LAMA1: variants seen among roughly 807,000 people sequenced by gnomAD.
The protein encoded by LAMA1 is laminin subunit alpha-1.
A neutral mutation model predicts 348.7 loss-of-function variants in LAMA1; 219 were observed. The observed-to-expected ratio is 0.63, with a 90% confidence interval of 0.56 to 0.70. The LOEUF (loss-of-function observed/expected upper bound fraction) is 0.70. Ranked by LOEUF, LAMA1 falls within the 30% of genes least tolerant of loss-of-function variation. LAMA1 has a pLI of 0.00. For synonymous variants in LAMA1, 1,487 were observed against 1,491.0 expected (o/e 1.00, Z 0.06); for missense variants, 3,744 against 3,888.0 (o/e 0.96, Z 0.99).
chr18:6,988,035 G>T (rs908564114), intron 36 of LAMA1, among the ~76,000 whole-genome samples: 6 of 151,986 alleles, frequency 3.9e-5, no homozygotes, highest in Non-Finnish European at 7.4e-5. Flanking sequence ...AATCGCTTGA[G>T]CCTGGGAGGT....
rs1484259795 is a variant in LAMA1 at position 7,034,775 on chromosome 18, C to A, written c.1840-85G>T. On this transcript the variant is annotated intron_variant, in intron 13 of 62. Coordinates refer to ENST00000389658, the MANE Select transcript of LAMA1 (RefSeq NM_005559.4). ...TAAAATCAAATTTTGTATTCAGCAACGTGGTTTTTCATTCGTGCCTAGCTT... is the reference window on the plus strand; with the variant it reads ...TAAAATCAAATTTTGTATTCAGCAAAGTGGTTTTTCATTCGTGCCTAGCTT... 15 of 1,327,418 alleles carry A rather than the reference C, an allele frequency of 1.1e-5. No individual in the cohort carries two copies. In the Admixed American group the frequency reaches 1.3e-4, roughly 12 times the overall value. 82.2% of individuals were successfully genotyped at this position (1,327,418 alleles called of 1,614,324 possible). A position where few individuals can be genotyped will look rare whatever the true frequency, so the allele number is the denominator to read the frequency against.
rs538513114 is a variant in LAMA1, at chr18:7,041,534, C to CAA, written c.1261+609_1261+610dup. On this transcript the variant is annotated intron_variant, in intron 9 of 62. Transcript: ENST00000389658. ...AGTGGCTGAGAACTTGATGGGGTCA[C>CAA]AAGAGTCTTTGAACAGACGCAACCT... Among the ~76,000 whole-genome samples, 15 of 152,286 alleles carry CAA rather than the reference C, an allele frequency of 9.8e-5. No individual in the cohort carries two copies. In the South Asian group the frequency reaches 3.1e-3, roughly 32 times the overall value.
chr18:6,974,614 G>A (rs558795325), intron 46 of LAMA1, among the ~76,000 whole-genome samples: 7 of 151,846 alleles, frequency 4.6e-5, no homozygotes, highest in African/African-American at 1.4e-4. Context: ...CCACCACCAC[G>A]CCCAGCTAAT....
Position 6,986,223 on chromosome 18 carries a change from C to T in LAMA1, c.5293G>A (p.Glu1765Lys), listed in dbSNP as rs2057734699. The T allele has an allele frequency of 6.2e-7, 1 of 1,614,096 alleles. No individual in the cohort carries two copies. The highest frequency in any genetic ancestry group is 1.3e-5 in the African/African-American group (1 of 74,934). The change falls in exon 37 of 63, where the codon GAG (glutamate) becomes AAG (lysine). Residue 1765 changes from glutamate (E) to lysine (K), a missense_variant. Glu to Lys is a moderately conservative substitution (Grantham distance 56). Transcript: ENST00000389658. ...GCCTCAGCTTCCCTCACGAGCGCCT[C>T]AGCCGCCTTTAGTTCATTGTTGTGC... ...SKHNNELKAAEALVREAEAKM... is the reference protein window; with the variant it reads ...SKHNNELKAAKALVREAEAKM...
chr18:6,962,413 C>G (rs481724), intron 51 of LAMA1, among the ~76,000 whole-genome samples: 2 of 128,316 alleles, frequency 1.6e-5, no homozygotes, highest in Non-Finnish European at 3.1e-5. Flanking sequence ...TCCTGCCCCC[C>G]AAAACAAGAA....
chr18:6,947,379 G>A, intron 60 of LAMA1, 83 bp from the exon 61 acceptor site: 1 of 1,559,216 alleles, frequency 6.4e-7, no homozygotes, highest in African/African-American at 1.4e-5. Flanking sequence ...TAGGGGTTGG[G>A]GGACCTGGCT....
intron 42 of LAMA1, among the ~76,000 whole-genome samples, chr18:6,979,538 A>T (rs1473665904): frequency 6.6e-6 from 1 of 152,228 alleles, no homozygotes; most frequent in Non-Finnish European, 1.5e-5. Flanking sequence ...AAAAAACAAC[A>T]AAAGAACAAA....
At chr18:7,053,194 G>T (rs910254877) in intron 3 of LAMA1, among the ~76,000 whole-genome samples, 5 of 152,170 alleles carry the variant, frequency 3.3e-5, no homozygotes, top group Admixed American at 6.5e-5. Context: ...GGGAAGGAGG[G>T]ATGAATAGGT....
Position 7,020,865 on chromosome 18 carries a change from G to A in LAMA1, c.2701+2299C>T, listed in dbSNP as rs75081372. The stretch of plus-strand genomic sequence containing the variant: ...CCCTCCTCAACGCTGGCAGCAGGGC[G>A]ATATTCAAACACACAGCTCCAATCA... On this transcript the variant is annotated intron_variant, in intron 19 of 62. Transcript: ENST00000389658. 7.0e-3 allele frequency among the ~76,000 whole-genome samples: 1,061 copies of A among 152,236 alleles called. 7 individuals are homozygous for A. Among genetic ancestry groups the A allele is most frequent in the African/African-American group, 0.022 (905 of 41,552 alleles).
At chr18:6,996,473 C>T (rs1300664323) in intron 33 of LAMA1, among the ~76,000 whole-genome samples, 1 of 152,060 alleles carries the variant, frequency 6.6e-6, no homozygotes, top group Admixed American at 6.6e-5. Context: ...CACTGTTTTC[C>T]AATTAGAATT....
At chr18:7,066,542 A>C (rs1280879455) in intron 3 of LAMA1, among the ~76,000 whole-genome samples, 2 of 152,238 alleles carry the variant, frequency 1.3e-5, no homozygotes, top group Non-Finnish European at 2.9e-5. Context: ...TGACTGCCTC[A>C]ATAGATTAAT....
chr18:7,047,527 G>C (rs1290826010), intron 5 of LAMA1, among the ~76,000 whole-genome samples: 1 of 152,136 alleles, frequency 6.6e-6, no homozygotes, highest in East Asian at 1.9e-4. Flanking sequence ...TTGGTGTAAA[G>C]AATCAATGGA....
At chr18:6,979,776 G>A (rs868640714) in intron 42 of LAMA1, among the ~76,000 whole-genome samples, 4 of 151,964 alleles carry the variant, frequency 2.6e-5, no homozygotes, top group Admixed American at 1.3e-4. Flanking sequence ...GCGGGCGCCT[G>A]TAGTCCCAGC....
chr18:7,069,352 A>G (rs906439273), intron 3 of LAMA1, among the ~76,000 whole-genome samples: 14 of 152,210 alleles, frequency 9.2e-5, no homozygotes, highest in Non-Finnish European at 1.5e-5. Context: ...CCTCACCTAA[A>G]GACAGGGGTG....
At chr18:7,078,364 C>T (rs1385909899) in intron 3 of LAMA1, among the ~76,000 whole-genome samples, 2 of 151,462 alleles carry the variant, frequency 1.3e-5, no homozygotes, top group Non-Finnish European at 2.9e-5. Context: ...GACGGGGTTT[C>T]ACCGTGTTAG....
chr18:7,007,415 G>A, intron 28 of LAMA1, 139 bp from the exon 29 acceptor site: 3 of 775,434 alleles, frequency 3.9e-6, no homozygotes, highest in Non-Finnish European at 4.0e-6. Context: ...TCAGAGAAAT[G>A]CAAATGAAAA....
In LAMA1 at chr18:6,956,771, T is replaced by C. The variant is rs764068606; in HGVS notation, c.7965-6A>G. 8.1e-6 allele frequency: 13 copies of C among 1,614,112 alleles called. No homozygotes were observed. The highest frequency in any genetic ancestry group is 1.1e-5 in the South Asian group (1 of 91,076). Reference sequence around the variant, plus strand: ...CACTGTTGAAATCCAAAAGTCTAGGTAGAAACAAGAGAGTGTTTTCAAAAT... The same window carrying C: ...CACTGTTGAAATCCAAAAGTCTAGGCAGAAACAAGAGAGTGTTTTCAAAAT... On this transcript the variant is annotated splice_polypyrimidine_tract_variant and splice_region_variant and intron_variant, in intron 55 of 62. Transcript: ENST00000389658.
At chr18:7,042,449 AG>A (rs1434818239) in intron 8 of LAMA1, 199 bp from the exon 9 acceptor site, 15 of 557,678 alleles carry the variant, frequency 2.7e-5, no homozygotes, top group Non-Finnish European at 4.9e-5. Flanking sequence ...TGGTGGCAGT[AG>A]TTAGTACCCT....
chr18:6,979,076 A>G (rs1435160414), intron 42 of LAMA1, among the ~76,000 whole-genome samples: 1 of 152,214 alleles, frequency 6.6e-6, no homozygotes, highest in Non-Finnish European at 1.5e-5. Flanking sequence ...GAAAAAGGGT[A>G]TACAGGTGGC....
Sources: gnomAD v4.1 joint callset for allele counts (sites outside exome capture counted in the v4.1 genomes callset) on GRCh38, gnomAD v4.1.1 for gene constraint, MANE v1.5 for transcripts, NCBI Gene and HGNC (gene_info 2026-07-23, HGNC 2026-07-21) for gene names.